Variants in H1-4 observed in about 807,000 individuals in gnomAD.
H1-4 encodes the protein H1.4 linker histone, cluster member, also known as histone H1.4.
In H1-4, 9 loss-of-function variants were observed where a neutral mutation model predicts 7.2. The observed-to-expected ratio is 1.25, with a 90% confidence interval of 0.75 to 2.18. The LOEUF is 2.18. Among genes scored for constraint, H1-4 ranks in the 30% most tolerant of loss-of-function variants. The pLI, the probability that H1-4 is intolerant of heterozygous loss-of-function variation, is 0.00. For synonymous variants in H1-4, 318 were observed against 126.6 expected (o/e 2.51, Z -10.15); for missense variants, 646 against 287.9 (o/e 2.24, Z -9.00).
At position 26,157,030 on chromosome 6, in the gene H1-4, G is replaced by T. The variant is rs776968459; in HGVS notation, c.640G>T (p.Ala214Ser). 2.5e-5 allele frequency: 40 copies of T among 1,581,870 alleles called. No individual in the cohort carries two copies. The highest frequency in any genetic ancestry group is 3.4e-5 in the Non-Finnish European group (40 of 1,171,936). The change falls in exon 1 of 1, where the codon GCG becomes TCG. Residue 214 changes from alanine (A) to serine (S), a missense_variant. Coordinates refer to ENST00000304218, the MANE Select transcript of H1-4 (RefSeq NM_005321.3). ...AKPKAAKPKK[A>S]AAKKK Reference sequence around the variant, plus strand: ...GCCCAAGGCAGCCAAGCCAAAGAAGGCGGCAGCCAAGAAAAAGTAGAAAGT... The same window carrying T: ...GCCCAAGGCAGCCAAGCCAAAGAAGTCGGCAGCCAAGAAAAAGTAGAAAGT...
chr6:26,156,357 G>C lies in H1-4; in HGVS notation c.-34G>C, dbSNP rs780964648. On this transcript the variant is annotated 5_prime_UTR_variant, in exon 1 of 1. Transcript: ENST00000304218. ...GTCCCGGCCAGTGCCTCTGCTTCCG[G>C]CTCGAATTGCTCTCGCTCACGCTTG... is the stretch of plus-strand genomic sequence containing the variant. 4 of 1,516,702 alleles carry C rather than the reference G, an allele frequency of 2.6e-6. No homozygotes were observed. The highest frequency in any genetic ancestry group is 2.6e-5 in the South Asian group (2 of 77,646). The allele number at this position is 1,516,702 out of a possible 1,614,324, so 94.0% of individuals were successfully genotyped here.
rs779848574 is a variant in H1-4 at position 26,156,771 on chromosome 6, G to T, written c.381G>T (p.Lys127Asn). The change falls in exon 1 of 1, where the codon AAG becomes AAT. Residue 127 changes from lysine to asparagine, a missense_variant. Lys to Asn is a moderately conservative substitution (Grantham distance 94, BLOSUM62 0). Transcript: ENST00000304218. Reference sequence around the variant, plus strand: ...AGGCTAAAAAGGCAGGCGCGGCCAAGGCCAAGAAGCCAGCAGGAGCGGCGA... The same window carrying T: ...AGGCTAAAAAGGCAGGCGCGGCCAATGCCAAGAAGCCAGCAGGAGCGGCGA... ...KPKAKKAGAA[K>N]AKKPAGAAKK... 3 of 1,613,282 alleles carry T rather than the reference G, an allele frequency of 1.9e-6. No individual in the cohort carries two copies. The South Asian group carries it at 3.3e-5, about 18-fold the overall frequency.
In H1-4 at chr6:26,156,356, GGCTCGAATT is replaced by G. The variant is rs1764163874; in HGVS notation, c.-30_-22del. ...AGTCCCGGCCAGTGCCTCTGCTTCC[GGCTCGAATT>G]GCTCTCGCTCACGCTTGCCTTCAAC... is the stretch of plus-strand genomic sequence containing the variant. On this transcript the variant is annotated 5_prime_UTR_variant, in exon 1 of 1. Coordinates refer to ENST00000304218, the MANE Select transcript of H1-4 (RefSeq NM_005321.3). 5.3e-6 allele frequency: 8 copies of G among 1,516,260 alleles called. No homozygotes were observed. Among genetic ancestry groups the G allele is most frequent in the Non-Finnish European group, 7.0e-6 (8 of 1,137,210 alleles). 93.9% of individuals were successfully genotyped at this position (1,516,260 alleles called of 1,614,324 possible). A position where few individuals can be genotyped will look rare whatever the true frequency, so the allele number is the denominator to read the frequency against.
rs537380925 is a variant in H1-4, at chr6:26,156,852, C to G, written c.462C>G (p.Thr154=). ...CCCCCAAGAAGAGCGCCAAGAAGACCCCAAAGAAGGCGAAGAAGCCGGCTG... is the reference window on the plus strand; with the variant it reads ...CCCCCAAGAAGAGCGCCAAGAAGACGCCAAAGAAGGCGAAGAAGCCGGCTG... ...AATPKKSAKK[T]PKKAKKPAAA... The change falls in exon 1 of 1, where the codon ACC becomes ACG. Residue 154 remains threonine, a synonymous_variant. Transcript: ENST00000304218. 5 of 1,607,508 alleles carry G rather than the reference C, an allele frequency of 3.1e-6. No individual in the cohort carries two copies. Among genetic ancestry groups the G allele is most frequent in the Admixed American group, 1.7e-5 (1 of 58,564 alleles).
Position 26,156,395 on chromosome 6 carries a change from C to T in H1-4, c.5C>T (p.Ser2Phe), listed in dbSNP as rs1215986258. 1.3e-6 allele frequency: 2 copies of T among 1,579,226 alleles called. No individual in the cohort carries two copies. Among genetic ancestry groups the T allele is most frequent in the Admixed American group, 1.8e-5 (1 of 55,512 alleles). Reference sequence around the variant, plus strand: ...TCGCTCACGCTTGCCTTCAACATGTCCGAGACTGCGCCTGCCGCGCCCGCT... The same window carrying T: ...TCGCTCACGCTTGCCTTCAACATGTTCGAGACTGCGCCTGCCGCGCCCGCT... M[S>F]ETAPAAPAAP... The change falls in exon 1 of 1, where the codon TCC becomes TTC. Residue 2 changes from serine to phenylalanine, a missense_variant. Ser to Phe is a radical substitution (Grantham distance 155). Coordinates refer to ENST00000304218, the MANE Select transcript of H1-4 (RefSeq NM_005321.3).
At position 26,156,678 on chromosome 6, in the gene H1-4, C is replaced by T. The variant is rs376979971; in HGVS notation, c.288C>T (p.Thr96=). 21 of 1,614,078 alleles carry T rather than the reference C, an allele frequency of 1.3e-5. No individual in the cohort carries two copies. The highest frequency in any genetic ancestry group is 6.7e-5 in the African/African-American group (5 of 74,938). The change falls in exon 1 of 1, where the codon ACC becomes ACT. Residue 96 remains threonine (T), a synonymous_variant. Coordinates refer to ENST00000304218, the MANE Select transcript of H1-4 (RefSeq NM_005321.3). ...TGAGCAAGGGCACCCTGGTGCAGAC[C>T]AAGGGCACCGGCGCGTCGGGTTCCT... ...SLVSKGTLVQ[T]KGTGASGSFK...
In H1-4 at chr6:26,156,852, C is replaced by T. The variant is rs537380925; in HGVS notation, c.462C>T (p.Thr154=). 204 of 1,607,508 alleles carry T rather than the reference C, an allele frequency of 1.3e-4. No homozygotes were observed. The South Asian group carries it at 2.0e-3, about 16-fold the overall frequency. Residue 154 remains threonine (T), a synonymous_variant, in exon 1 of 1, where the codon ACC becomes ACT. Coordinates refer to ENST00000304218, the MANE Select transcript of H1-4 (RefSeq NM_005321.3). The part of the protein sequence containing the change: ...AATPKKSAKK[T]PKKAKKPAAA... ...CCCCCAAGAAGAGCGCCAAGAAGAC[C>T]CCAAAGAAGGCGAAGAAGCCGGCTG...
rs772034993 is a variant in H1-4, at chr6:26,156,482, C to T, written c.92C>T (p.Ala31Val). ...KKKARKSAGA[A>V]KRKASGPPVS... is the part of the protein sequence containing the mutation. ...AAGGCCCGCAAGTCTGCAGGTGCGGCCAAGCGCAAAGCGTCTGGGCCCCCG... is the reference window on the plus strand; with the variant it reads ...AAGGCCCGCAAGTCTGCAGGTGCGGTCAAGCGCAAAGCGTCTGGGCCCCCG... The change falls in exon 1 of 1, where the codon GCC becomes GTC. Residue 31 changes from alanine (A) to valine (V), a missense_variant. Coordinates refer to ENST00000304218, the MANE Select transcript of H1-4 (RefSeq NM_005321.3). The T allele has an allele frequency of 6.8e-6, 11 of 1,613,488 alleles. No individual in the cohort carries two copies. Among genetic ancestry groups the T allele is most frequent in the East Asian group, 2.2e-5 (1 of 44,870 alleles).
chr6:26,156,333 T>G lies in H1-4; in HGVS notation c.-58T>G, dbSNP rs1764162184. On this transcript the variant is annotated 5_prime_UTR_variant, in exon 1 of 1. Transcript: ENST00000304218. ...GGCGGGCGCAGCGCCGCGGCTCGAG[T>G]CCCGGCCAGTGCCTCTGCTTCCGGC... 7.5e-6 allele frequency: 11 copies of G among 1,461,046 alleles called. No individual in the cohort carries two copies. Among genetic ancestry groups the G allele is most frequent in the Non-Finnish European group, 8.2e-6 (9 of 1,094,766 alleles). 90.5% of individuals were successfully genotyped at this position (1,461,046 alleles called of 1,614,324 possible). A position where few individuals can be genotyped will look rare whatever the true frequency, so the allele number is the denominator to read the frequency against.
chr6:26,156,721 G>A lies in H1-4; in HGVS notation c.331G>A (p.Ala111Thr). The A allele has an allele frequency of 1.9e-6, 3 of 1,614,198 alleles. No individual in the cohort carries two copies. The highest frequency in any genetic ancestry group is 2.5e-6 in the Non-Finnish European group (3 of 1,180,046). The change falls in exon 1 of 1, where the codon GCG (alanine) becomes ACG (threonine). Residue 111 changes from alanine to threonine, a missense_variant. Ala to Thr is a moderately conservative substitution (Grantham distance 58, BLOSUM62 0). Transcript: ENST00000304218. ...ASGSFKLNKK[A>T]ASGEAKPKAK... is the part of the protein sequence containing the mutation. ...GGGTTCCTTCAAACTCAACAAGAAG[G>A]CGGCCTCTGGGGAAGCCAAGCCTAA... is the stretch of plus-strand genomic sequence containing the variant.
rs529430249 is a variant in H1-4, at chr6:26,156,624, C to A, written c.234C>A (p.Ser78Arg). Reference protein sequence around the residue: ...AAGYDVEKNNSRIKLGLKSLV... With the variant: ...AAGYDVEKNNRRIKLGLKSLV... ...GCTATGACGTGGAGAAGAACAACAGCCGCATCAAGCTGGGTCTCAAGAGCC... is the reference window on the plus strand; with the variant it reads ...GCTATGACGTGGAGAAGAACAACAGACGCATCAAGCTGGGTCTCAAGAGCC... The change falls in exon 1 of 1, where the codon AGC (serine) becomes AGA (arginine). Residue 78 changes from serine to arginine, a missense_variant. Ser to Arg is a moderately radical substitution (Grantham distance 110). Coordinates refer to ENST00000304218, the MANE Select transcript of H1-4 (RefSeq NM_005321.3). The A allele has an allele frequency of 1.2e-6, 2 of 1,614,242 alleles. No individual in the cohort carries two copies. The highest frequency in any genetic ancestry group is 2.2e-5 in the East Asian group (1 of 44,878).
rs1319019432 is a variant in H1-4 at position 26,156,782 on chromosome 6, C to G, written c.392C>G (p.Pro131Arg). Residue 131 changes from proline to arginine, a missense_variant, in exon 1 of 1, where the codon CCA becomes CGA. Pro to Arg is a moderately radical substitution (Grantham distance 103). Coordinates refer to ENST00000304218, the MANE Select transcript of H1-4 (RefSeq NM_005321.3). The stretch of plus-strand genomic sequence containing the variant: ...GCAGGCGCGGCCAAGGCCAAGAAGC[C>G]AGCAGGAGCGGCGAAGAAGCCCAAG... ...KKAGAAKAKKPAGAAKKPKKA... is the reference protein window; with the variant it reads ...KKAGAAKAKKRAGAAKKPKKA... 1 of 1,612,646 alleles carries G rather than the reference C, an allele frequency of 6.2e-7. No individual in the cohort carries two copies. Among genetic ancestry groups the G allele is most frequent in the Non-Finnish European group, 8.5e-7 (1 of 1,179,374 alleles).
chr6:26,156,440 A>G lies in H1-4; in HGVS notation c.50A>G (p.Lys17Arg), dbSNP rs963697864. 2.5e-6 allele frequency: 4 copies of G among 1,608,908 alleles called. No individual in the cohort carries two copies. The highest frequency in any genetic ancestry group is 1.7e-6 in the Non-Finnish European group (2 of 1,177,618). Residue 17 changes from lysine to arginine, a missense_variant, in exon 1 of 1, where the codon AAG (lysine) becomes AGG (arginine). Physicochemically the swap from Lys to Arg is conservative, Grantham distance 26. Transcript: ENST00000304218. ...AAPAAPAPAE[K>R]TPVKKKARKS... The stretch of plus-strand genomic sequence containing the variant: ...CCCGCTGCTCCGGCCCCTGCCGAGA[A>G]GACTCCCGTGAAGAAGAAGGCCCGC...
rs757061659 is a variant in H1-4, at chr6:26,156,893, A to C, written c.503A>C (p.Lys168Thr). 6.2e-7 allele frequency: 1 copy of C among 1,610,352 alleles called. No homozygotes were observed. Among genetic ancestry groups the C allele is most frequent in the South Asian group, 1.1e-5 (1 of 90,880 alleles). ...AAGCCGGCTGCAGCTGCTGGAGCCA[A>C]AAAAGCGAAAAGCCCGAAAAAGGCG... ...AKKPAAAAGA[K>T]KAKSPKKAKA... The change falls in exon 1 of 1, where the codon AAA (lysine) becomes ACA (threonine). Residue 168 changes from lysine to threonine, a missense_variant. Physicochemically the swap from Lys to Thr is moderately conservative, Grantham distance 78. Transcript: ENST00000304218.
rs766712394 is a variant in H1-4 at position 26,157,026 on chromosome 6, G to A, written c.636G>A (p.Lys212=). 4 of 1,583,444 alleles carry A rather than the reference G, an allele frequency of 2.5e-6. No individual in the cohort carries two copies. Among genetic ancestry groups the A allele is most frequent in the South Asian group, 2.3e-5 (2 of 85,710 alleles). Residue 212 remains lysine, a synonymous_variant, in exon 1 of 1, where the codon AAG becomes AAA. Transcript: ENST00000304218. The part of the protein sequence containing the change: ...KTAKPKAAKP[K]KAAAKKK Reference sequence around the variant, plus strand: ...CCAAGCCCAAGGCAGCCAAGCCAAAGAAGGCGGCAGCCAAGAAAAAGTAGA... The same window carrying A: ...CCAAGCCCAAGGCAGCCAAGCCAAAAAAGGCGGCAGCCAAGAAAAAGTAGA...
Position 26,156,594 on chromosome 6 carries a change from C to T in H1-4, c.204C>T (p.Ala68=), listed in dbSNP as rs148757707. The change falls in exon 1 of 1, where the codon GCC becomes GCT. Residue 68 remains alanine, a synonymous_variant. Transcript: ENST00000304218. The part of the protein sequence containing the change: ...SLAALKKALA[A]AGYDVEKNNS... ...CCGCTCTCAAGAAAGCGCTGGCAGC[C>T]GCTGGCTATGACGTGGAGAAGAACA... 2.6e-5 allele frequency: 42 copies of T among 1,614,212 alleles called. No individual in the cohort carries two copies. The highest frequency in any genetic ancestry group is 1.7e-4 in the Middle Eastern group (1 of 6,056).
rs774251957 is a variant in H1-4 at position 26,157,083 on chromosome 6, AC to A, written c.*34del. Reference sequence around the variant, plus strand: ...CTTTGGCCAACTGCTTAGAAGCCCAACACAACCCAAAGGCTCTTTTCAGAGC... The same window carrying A: ...CTTTGGCCAACTGCTTAGAAGCCCAAACAACCCAAAGGCTCTTTTCAGAGC... On this transcript the variant is annotated 3_prime_UTR_variant, in exon 1 of 1. Coordinates refer to ENST00000304218, the MANE Select transcript of H1-4 (RefSeq NM_005321.3). The A allele has an allele frequency of 4.1e-5, 64 of 1,565,924 alleles. No individual in the cohort carries two copies. In the African/African-American group the frequency reaches 7.3e-4, roughly 18 times the overall value.
In H1-4 at chr6:26,156,580, A is replaced by AT; in HGVS notation, c.190_191insT (p.Lys64IlefsTer9). Reference sequence around the variant, plus strand: ...CGGCGTATCTTTGGCCGCTCTCAAGAAAGCGCTGGCAGCCGCTGGCTATGA... The same window carrying AT: ...CGGCGTATCTTTGGCCGCTCTCAAGATAAGCGCTGGCAGCCGCTGGCTATGA... On this transcript the variant is annotated frameshift_variant, in exon 1 of 1. Transcript: ENST00000304218. LOFTEE classifies it high-confidence loss of function. 1 of 1,614,208 alleles carries AT rather than the reference A, an allele frequency of 6.2e-7. No individual in the cohort carries two copies. The highest frequency in any genetic ancestry group is 8.5e-7 in the Non-Finnish European group (1 of 1,180,036).
rs1201900099 is a variant in H1-4 at position 26,156,525 on chromosome 6, T to A, written c.135T>A (p.Thr45=). The A allele has an allele frequency of 6.2e-7, 1 of 1,614,018 alleles. No homozygotes were observed. Among genetic ancestry groups the A allele is most frequent in the Non-Finnish European group, 8.5e-7 (1 of 1,179,978 alleles). Residue 45 remains threonine, a synonymous_variant, in exon 1 of 1, where the codon ACT becomes ACA. Transcript: ENST00000304218. ...GGCCCCCGGTGTCCGAGCTCATTAC[T>A]AAAGCTGTTGCCGCCTCCAAGGAGC... ...ASGPPVSELI[T]KAVAASKERS... is the part of the protein sequence containing the mutation.
Sources: gnomAD v4.1 joint callset for allele counts on GRCh38, gnomAD v4.1.1 for gene constraint, MANE v1.5 for transcripts, NCBI Gene and HGNC (gene_info 2026-07-23, HGNC 2026-07-21) for gene names.